The following SLC25A14 variants were observed in gnomAD, a reference collection of about 807,000 sequenced individuals.
SLC25A14 encodes the protein brain mitochondrial carrier protein 1.
Under a neutral mutation model 28.1 loss-of-function variants are expected in SLC25A14, and 8 were observed. That is an observed-to-expected ratio of 0.28 (90% CI 0.17 to 0.51). The LOEUF is 0.51. Among genes scored for constraint, SLC25A14 ranks in the 20% least tolerant of loss-of-function variants. The probability of loss-of-function intolerance (pLI) is 0.97; values close to 1 mark genes in which losing one functional copy is unlikely to be tolerated. For missense variants in SLC25A14, 135 were observed against 263.8 expected (o/e 0.51, Z 3.38); for synonymous variants, 74 against 90.6 (o/e 0.82, Z 1.04).
intron 5 of SLC25A14, 35 bp from the exon 6 acceptor site, chrX:130,350,611 C>G (rs367623353): frequency 7.5e-6 from 7 of 937,967 alleles, no homozygotes; most frequent in Non-Finnish European, 1.0e-5. Context: ...GTGCCTAATA[C>G]AAGCAGACCT....
chrX:130,360,374 CA>C (rs1242461884), intron 7 of SLC25A14, among the ~76,000 whole-genome samples: 1 of 111,208 alleles, frequency 9.0e-6, no homozygotes, highest in Non-Finnish European at 1.9e-5. Context: ...TTTCATACTG[CA>C]TCACAGCAGG....
At position 130,349,329 on chromosome X, in the gene SLC25A14, C is replaced by T. The variant is rs747244165; in HGVS notation, c.396C>T (p.Phe132=). The change falls in exon 5 of 11, where the codon TTC becomes TTT. Residue 132 remains phenylalanine, a synonymous_variant. Transcript: ENST00000545805. Reference sequence around the variant, plus strand: ...TTTACCAAAGCTTGAAGCGCTTATTCGTAGAACGTTTAGAAGGTCAGTATA... The same window carrying T: ...TTTACCAAAGCTTGAAGCGCTTATTTGTAGAACGTTTAGAAGGTCAGTATA... ...IGIYQSLKRL[F]VERLEDETLL... 2.8e-5 allele frequency: 33 copies of T among 1,172,744 alleles called. No homozygotes were observed. Among genetic ancestry groups the T allele is most frequent in the East Asian group, 2.1e-4 (7 of 33,377 alleles).
intron 6 of SLC25A14, among the ~76,000 whole-genome samples, chrX:130,351,828 T>C (rs1003459962): frequency 8.9e-6 from 1 of 111,985 alleles, no homozygotes; most frequent in African/African-American, 3.2e-5. Flanking sequence ...CACTGGTGGT[T>C]GATGGATAAA....
intron 6 of SLC25A14, among the ~76,000 whole-genome samples, chrX:130,355,458 G>A (rs936093317): frequency 8.9e-6 from 1 of 111,836 alleles, no homozygotes; most frequent in Non-Finnish European, 1.9e-5. Context: ...ACATCACGGA[G>A]GTAGCTAAGA....
chrX:130,361,803 C>G (rs960642635), intron 7 of SLC25A14, among the ~76,000 whole-genome samples: 57 of 111,866 alleles, frequency 5.1e-4, no homozygotes, highest in African/African-American at 1.8e-3. Flanking sequence ...GTCAAATTTT[C>G]TGGCCTTTCA....
At chrX:130,350,985 G>A (rs1361700236) in intron 6 of SLC25A14, among the ~76,000 whole-genome samples, 1 of 111,639 alleles carries the variant, frequency 9.0e-6, no homozygotes, top group Non-Finnish European at 1.9e-5. Context: ...ATGGCAGTCA[G>A]TTTATTATGA....
intron 7 of SLC25A14, among the ~76,000 whole-genome samples, chrX:130,364,057 T>A (rs145973151): frequency 2.1e-3 from 235 of 112,168 alleles, no homozygotes; most frequent in African/African-American, 6.9e-3. Context: ...AGAAAAATCG[T>A]TATAGCCATC....
intron 6 of SLC25A14, among the ~76,000 whole-genome samples, chrX:130,357,559 A>G (rs1471313525): frequency 8.9e-6 from 1 of 112,184 alleles, no homozygotes; most frequent in Non-Finnish European, 1.9e-5. Flanking sequence ...GATAGGTTGT[A>G]TCTTGATTTA....
intron 2 of SLC25A14, among the ~76,000 whole-genome samples, chrX:130,341,818 G>C (rs1306491810): frequency 8.9e-6 from 1 of 112,080 alleles, no homozygotes; most frequent in Non-Finnish European, 1.9e-5. Flanking sequence ...ATAATTTTTA[G>C]AGGGCTTGGG....
chrX:130,346,521 T>TA, intron 3 of SLC25A14, 23 bp from the exon 4 acceptor site: 3 of 1,178,406 alleles, frequency 2.5e-6, no homozygotes, highest in Non-Finnish European at 1.2e-6. Context: ...GACATACTTA[T>TA]AAATAAGTGT....
In SLC25A14 at chrX:130,363,908, A is replaced by C. The variant is rs753709666; in HGVS notation, c.595-720A>C. Among the ~76,000 whole-genome samples the C allele has an allele frequency of 2.9e-4, 32 of 110,582 alleles. 1 individual carries two copies. Among genetic ancestry groups the C allele is most frequent in the African/African-American group, 9.5e-4 (29 of 30,372 alleles). On this transcript the variant is annotated intron_variant, in intron 7 of 10. Transcript: ENST00000545805. ...GCCACCATGCCTGGCTAATTTAAAA[A>C]ATTTTTTTAAGAGATAGAGTCTTAC...
chrX:130,368,768 C>A (rs1273433031), intron 9 of SLC25A14, among the ~76,000 whole-genome samples: 1 of 111,968 alleles, frequency 8.9e-6, no homozygotes, highest in Non-Finnish European at 1.9e-5. Flanking sequence ...TAAGTAATAA[C>A]TTACACAAGA....
chrX:130,357,453 A>G (rs1450602653), intron 6 of SLC25A14, among the ~76,000 whole-genome samples: 1 of 111,818 alleles, frequency 8.9e-6, no homozygotes, highest in Non-Finnish European at 1.9e-5. Flanking sequence ...AAAGTACTTC[A>G]CTTGCCTCAC....
chrX:130,362,632 C>T (rs1457591290), intron 7 of SLC25A14, among the ~76,000 whole-genome samples: 1 of 112,053 alleles, frequency 8.9e-6, no homozygotes, highest in African/African-American at 3.2e-5. Flanking sequence ...ACCTTTTCCC[C>T]TGAAGATAGA....
chrX:130,347,081 A>G (rs1241133739), intron 4 of SLC25A14, among the ~76,000 whole-genome samples: 1 of 111,202 alleles, frequency 9.0e-6, no homozygotes, highest in Non-Finnish European at 1.9e-5. Context: ...GTTTAAACAG[A>G]AAGTGCATAA....
In SLC25A14 at chrX:130,340,180, AC is replaced by A; in HGVS notation, c.-93del. 1.7e-6 allele frequency: 2 copies of A among 1,168,390 alleles called. No individual in the cohort carries two copies. Among genetic ancestry groups the A allele is most frequent in the South Asian group, 2.0e-5 (1 of 50,708 alleles). ...TCTTCGATTGAACCCTGCTTCCTCG[AC>A]CCCCCTGGGAGGCCGCCTTCTTCAG... On this transcript the variant is annotated 5_prime_UTR_variant, in exon 2 of 11. Coordinates refer to ENST00000545805, the MANE Select transcript of SLC25A14 (RefSeq NM_001282195.2).
intron 7 of SLC25A14, among the ~76,000 whole-genome samples, chrX:130,360,360 T>C (rs2033932719): frequency 1.8e-5 from 2 of 111,612 alleles, no homozygotes; most frequent in Non-Finnish European, 3.8e-5. Flanking sequence ...GGTGATGCTG[T>C]GTATTTCATA....
chrX:130,370,227 GTAGT>G (rs2124774368), intron 9 of SLC25A14, among the ~76,000 whole-genome samples: 1 of 112,232 alleles, frequency 8.9e-6, no homozygotes, highest in African/African-American at 3.2e-5. Flanking sequence ...GTTCCCAAAA[GTAGT>G]TAGTAAGGAT....
chrX:130,343,846 C>T (rs140209640), intron 2 of SLC25A14, among the ~76,000 whole-genome samples: 237 of 111,841 alleles, frequency 2.1e-3, no homozygotes, highest in African/African-American at 7.3e-3. Flanking sequence ...TCACAACAAC[C>T]CTATGATATA....
Sources: allele counts gnomAD v4.1 joint callset (sites outside exome capture counted in the v4.1 genomes callset), GRCh38; gene constraint gnomAD v4.1.1; transcripts MANE v1.5; gene names NCBI Gene and HGNC (gene_info 2026-07-23, HGNC 2026-07-21).